LAMA2: variants seen among roughly 807,000 people sequenced by gnomAD.
The protein encoded by LAMA2 is laminin subunit alpha-2.
In LAMA2, 269 loss-of-function variants were observed where a neutral mutation model predicts 364.8. The observed-to-expected ratio is 0.74, with a 90% CI of 0.67 to 0.82. LAMA2 has a LOEUF of 0.82. Ranked by LOEUF, LAMA2 falls within the 40% of genes least tolerant of loss-of-function variation. The probability of loss-of-function intolerance (pLI) is 0.00; values close to 1 mark genes in which losing one functional copy is unlikely to be tolerated. For missense variants in LAMA2, 3,807 were observed against 3,873.2 expected, an observed-to-expected ratio of 0.98 and a Z score of 0.45; for synonymous variants, 1,379 against 1,370.6, an observed-to-expected ratio of 1.01 and a Z score of -0.14.
intron 41 of LAMA2, among the ~76,000 whole-genome samples, chr6:129,438,067 T>C (rs533613394): frequency 7.2e-5 from 11 of 151,822 alleles, no homozygotes; most frequent in African/African-American, 2.6e-4. Flanking sequence ...ATATAAAATT[T>C]ATTGGACCCA....
chr6:129,224,728 C>T (rs907017142), intron 12 of LAMA2, among the ~76,000 whole-genome samples: 7 of 152,128 alleles, frequency 4.6e-5, no homozygotes, highest in Non-Finnish European at 1.0e-4. Flanking sequence ...CTGCTGCATT[C>T]AGTTTGCCAT....
intron 1 of LAMA2, among the ~76,000 whole-genome samples, chr6:128,917,512 A>T (rs902150937): frequency 6.6e-6 from 1 of 152,014 alleles, no homozygotes; most frequent in African/African-American, 2.4e-5. Context: ...CAGGACTTAC[A>T]TATTGTTACA....
chr6:129,076,386 G>T (rs1184403176), intron 3 of LAMA2, among the ~76,000 whole-genome samples: 2 of 145,530 alleles, frequency 1.4e-5, no homozygotes, highest in Non-Finnish European at 3.0e-5. Flanking sequence ...TAAACATAGG[G>T]GGAAAAAACA....
intron 12 of LAMA2, among the ~76,000 whole-genome samples, chr6:129,193,179 A>G (rs2115037765): frequency 6.6e-6 from 1 of 152,300 alleles, no homozygotes. Context: ...ATGTGAAAAG[A>G]GCTGTTTTCT....
intron 9 of LAMA2, among the ~76,000 whole-genome samples, chr6:129,170,642 G>A (rs1373673037): frequency 6.6e-6 from 1 of 151,596 alleles, no homozygotes; most frequent in African/African-American, 2.4e-5. Context: ...ATATTCTGTT[G>A]ATTTGGGGTG....
chr6:129,138,019 A>G (rs1440855932), intron 4 of LAMA2, among the ~76,000 whole-genome samples: 2 of 152,056 alleles, frequency 1.3e-5, no homozygotes, highest in Admixed American at 6.6e-5. Flanking sequence ...TTAAAGATAT[A>G]TAAAGTACAT....
At chr6:129,220,030 G>C (rs901806595) in intron 12 of LAMA2, among the ~76,000 whole-genome samples, 3 of 152,088 alleles carry the variant, frequency 2.0e-5, no homozygotes, top group Non-Finnish European at 2.9e-5. Context: ...CGTATGGATT[G>C]ACACTGGGCT....
intron 34 of LAMA2, among the ~76,000 whole-genome samples, chr6:129,382,004 A>G (rs1339528733): frequency 1.3e-5 from 2 of 152,190 alleles, no homozygotes; most frequent in Non-Finnish European, 2.9e-5. Flanking sequence ...GTCTTTTACC[A>G]TGTTCTGTGC....
intron 41 of LAMA2, among the ~76,000 whole-genome samples, chr6:129,434,479 T>G (rs939585031): frequency 1.3e-5 from 2 of 152,154 alleles, no homozygotes; most frequent in African/African-American, 4.8e-5. Flanking sequence ...TGACTAGGCT[T>G]CTGTTATTGG....
chr6:129,324,880 C>G (rs1324883141), intron 28 of LAMA2, among the ~76,000 whole-genome samples: 1 of 152,166 alleles, frequency 6.6e-6, no homozygotes, highest in Non-Finnish European at 1.5e-5. Context: ...TACAATATTC[C>G]TACATTCCAG....
intron 15 of LAMA2, among the ~76,000 whole-genome samples, chr6:129,266,123 A>G (rs1189288260): frequency 6.6e-6 from 1 of 152,104 alleles, no homozygotes; most frequent in South Asian, 2.1e-4. Context: ...AGGGCTTTTC[A>G]TGATATATGA....
At chr6:129,173,679 A>G (rs1780373687) in intron 9 of LAMA2, among the ~76,000 whole-genome samples, 1 of 152,214 alleles carries the variant, frequency 6.6e-6, no homozygotes, top group African/African-American at 2.4e-5. Flanking sequence ...AAAATTGGAC[A>G]CATATTTGTA....
Position 129,156,721 on chromosome 6 carries a change from A to G in LAMA2, c.1206+2038A>G, listed in dbSNP as rs114378810. 6.9e-3 allele frequency among the ~76,000 whole-genome samples: 1,050 copies of G among 152,124 alleles called. 9 individuals are homozygous for G. Among genetic ancestry groups the G allele is most frequent in the Middle Eastern group, 0.024 (7 of 292 alleles). On this transcript the variant is annotated intron_variant, in intron 8 of 64. Coordinates refer to ENST00000421865, the MANE Select transcript of LAMA2 (RefSeq NM_000426.4). ...TTCCGTGACAAAAATAATAACAACA[A>G]AAAAAATGGTGGTTGAAGGAAAACA...
chr6:129,118,530 G>C (rs1274332261), intron 4 of LAMA2, among the ~76,000 whole-genome samples: 1 of 152,178 alleles, frequency 6.6e-6, no homozygotes, highest in East Asian at 1.9e-4. Context: ...ACTGAACATA[G>C]TTAAAAGACA....
At chr6:129,319,317 A>G (rs1485722517) in intron 27 of LAMA2, among the ~76,000 whole-genome samples, 1 of 152,242 alleles carries the variant, frequency 6.6e-6, no homozygotes, top group Non-Finnish European at 1.5e-5. Flanking sequence ...TTGCAAGAAT[A>G]TAAATGTCTA....
chr6:129,073,518 C>G (rs13216682), intron 3 of LAMA2, among the ~76,000 whole-genome samples: 1 of 151,992 alleles, frequency 6.6e-6, no homozygotes, highest in African/African-American at 2.4e-5. Context: ...CCTGCTAGAC[C>G]GTTTGCCGTG....
At chr6:128,928,215 TCTGGCACAGATGCTATTG>T (rs1285358916) in intron 1 of LAMA2, among the ~76,000 whole-genome samples, 1 of 152,238 alleles carries the variant, frequency 6.6e-6, no homozygotes, top group Non-Finnish European at 1.5e-5. Context: ...ACAGTAAATC[TCTGGCACAGATGCTATTG>T]GTCCTTAATG....
chr6:129,080,400 C>T (rs1017317684), intron 3 of LAMA2, among the ~76,000 whole-genome samples: 4 of 152,110 alleles, frequency 2.6e-5, no homozygotes, highest in African/African-American at 9.7e-5. Flanking sequence ...TAAATTACTA[C>T]AGAGGAGTCT....
intron 62 of LAMA2, 84 bp downstream of exon 62, chr6:129,507,726 C>T: frequency 7.3e-7 from 1 of 1,369,270 alleles, no homozygotes; most frequent in Admixed American, 1.7e-5. Flanking sequence ...ATAAAAGTTC[C>T]TAGAGTCCTA....
Sources: gnomAD v4.1 joint callset for allele counts (sites outside exome capture counted in the v4.1 genomes callset) on GRCh38, gnomAD v4.1.1 for gene constraint, MANE v1.5 for transcripts, NCBI Gene and HGNC (gene_info 2026-07-23, HGNC 2026-07-21) for gene names.